The following NSF variants were observed in gnomAD, a reference collection of about 807,000 sequenced individuals.
NSF encodes the protein N-ethylmaleimide sensitive factor, vesicle fusing ATPase.
A neutral mutation model predicts 50.3 loss-of-function variants in NSF; 14 were observed. The ratio of observed to expected loss-of-function variants is 0.28; its 90% confidence interval spans 0.18 to 0.44. NSF has a LOEUF of 0.44. NSF is among the 20% of genes least tolerant of loss of function. NSF has a pLI of 1.00. For missense variants in NSF, 218 were observed against 504.3 expected, an observed-to-expected ratio of 0.43 and a Z score of 5.44; for synonymous variants, 109 against 175.7, an observed-to-expected ratio of 0.62 and a Z score of 3.00.
chr17:46,750,000 A>G lies in NSF; in HGVS notation c.2043+93A>G, dbSNP rs375320352. 280 of 1,388,254 alleles carry G rather than the reference A, an allele frequency of 2.0e-4. 1 individual carries two copies. Among genetic ancestry groups the G allele is most frequent in the Non-Finnish European group, 2.5e-4 (251 of 1,005,362 alleles). The allele number at this position is 1,388,254 out of a possible 1,614,324, so 86.0% of individuals were successfully genotyped here. A position where few individuals can be genotyped will look rare whatever the true frequency, so the allele number is the denominator to read the frequency against. On this transcript the variant is annotated intron_variant, in intron 18 of 20. Coordinates refer to ENST00000398238, the MANE Select transcript of NSF (RefSeq NM_006178.4). ...ACATTATACCTGGTGTTTGGTTTTT[A>G]TGCTAATCTGGAACATGGGACCCGG...
chr17:46,622,399 A>T (rs1432197929), intron 1 of NSF, among the ~76,000 whole-genome samples: 1 of 150,578 alleles, frequency 6.6e-6, no homozygotes. Context: ...CGGAGCTTGC[A>T]GTAAGCCGAT....
chr17:46,739,328 G>A (rs543048162), intron 17 of NSF, among the ~76,000 whole-genome samples: 97 of 125,092 alleles, frequency 7.8e-4, no homozygotes, highest in South Asian at 1.4e-3. Context: ...CCGAGATCGC[G>A]CCACTGCACT....
Position 46,719,503 on chromosome 17 carries a change from T to C in NSF, c.1761+5517T>C, listed in dbSNP as rs1397455571. 3.3e-5 allele frequency among the ~76,000 whole-genome samples: 5 copies of C among 152,208 alleles called. No homozygotes were observed. Among genetic ancestry groups the C allele is most frequent in the African/African-American group, 9.6e-5 (4 of 41,454 alleles). The stretch of plus-strand genomic sequence containing the variant: ...TCTTAATTTGCTTATTAGTGAATCC[T>C]TTCTCCATGGATAAACTCCTCAAAA... On this transcript the variant is annotated intron_variant, in intron 15 of 20. Coordinates refer to ENST00000398238, the MANE Select transcript of NSF (RefSeq NM_006178.4). The surrounding 1 kb of genome is among the most constrained non-coding windows in gnomAD (Gnocchi z 4.3).
At chr17:46,739,863 T>A (rs2146318566) in intron 17 of NSF, among the ~76,000 whole-genome samples, 1 of 152,128 alleles carries the variant, frequency 6.6e-6, no homozygotes, top group African/African-American at 2.4e-5. Flanking sequence ...CACACCCAGA[T>A]AATTTTTTGT....
At position 46,610,007 on chromosome 17, in the gene NSF, C is replaced by CTCTTTCTTTCTTTCTTTCTT. The variant is rs200774023; in HGVS notation, c.13-14233_13-14214dup. ...AGGCTAATTTATTTTCTTTCTTTCTCTCTTTCTTTCTTTCTTTCTTTCTCT... is the reference window on the plus strand; with the variant it reads ...AGGCTAATTTATTTTCTTTCTTTCTCTCTTTCTTTCTTTCTTTCTTTCTTTCTTTCTTTCTTTCTTTCTCT... On this transcript the variant is annotated intron_variant, in intron 1 of 20. Transcript: ENST00000398238. Among the ~76,000 whole-genome samples the CTCTTTCTTTCTTTCTTTCTT allele has an allele frequency of 8.5e-5, 10 of 117,034 alleles. 1 individual carries two copies. The highest frequency in any genetic ancestry group is 3.2e-4 in the African/African-American group (10 of 31,716). 76.8% of individuals were successfully genotyped at this position (117,034 alleles called of 152,430 possible). A position where few individuals can be genotyped will look rare whatever the true frequency, so the allele number is the denominator to read the frequency against.
At chr17:46,742,259 G>T (rs1379872051) in intron 17 of NSF, among the ~76,000 whole-genome samples, 1 of 152,188 alleles carries the variant, frequency 6.6e-6, no homozygotes, top group Non-Finnish European at 1.5e-5. Context: ...GCTCAGAGGT[G>T]TAGACTCTGA....
intron 17 of NSF, among the ~76,000 whole-genome samples, chr17:46,746,069 G>A (rs1311751675): frequency 6.6e-6 from 1 of 152,066 alleles, no homozygotes; most frequent in Non-Finnish European, 1.5e-5. Context: ...ATCCTTGTGC[G>A]TAATACCTCC....
At chr17:46,716,475 T>G (rs2058770840) in intron 15 of NSF, among the ~76,000 whole-genome samples, 1 of 152,128 alleles carries the variant, frequency 6.6e-6, no homozygotes, top group African/African-American at 2.4e-5. Flanking sequence ...GCCAGGATGG[T>G]CTTGATCTCC....
chr17:46,717,041 T>TCCC (rs1305409304), intron 15 of NSF, among the ~76,000 whole-genome samples: 3 of 152,172 alleles, frequency 2.0e-5, no homozygotes, highest in Non-Finnish European at 4.4e-5. Context: ...TTATCTATAC[T>TCCC]CCCAAGTTCA....
intron 16 of NSF, among the ~76,000 whole-genome samples, chr17:46,727,762 G>A (rs2058905865): frequency 1.3e-5 from 2 of 152,154 alleles, no homozygotes; most frequent in Admixed American, 1.3e-4. Flanking sequence ...ATTGAGGTGT[G>A]TGGTCATAGC....
intron 8 of NSF, among the ~76,000 whole-genome samples, chr17:46,657,325 G>T (rs564347938): frequency 6.7e-6 from 1 of 149,968 alleles, no homozygotes; most frequent in African/African-American, 2.4e-5. Flanking sequence ...CAATCACTAA[G>T]CAGGTACTCT....
intron 15 of NSF, chr17:46,722,037 T>C (rs2058836140): frequency 2.5e-6 from 4 of 1,609,450 alleles, no homozygotes; most frequent in Non-Finnish European, 3.4e-6. Flanking sequence ...GCCGTAATAT[T>C]CAGCTCCCTG....
At chr17:46,740,771 C>T (rs1401829699) in intron 17 of NSF, among the ~76,000 whole-genome samples, 1 of 151,590 alleles carries the variant, frequency 6.6e-6, no homozygotes, top group Non-Finnish European at 1.5e-5. Context: ...AAGTGATTCT[C>T]CTACCTCAGC....
Position 46,728,773 on chromosome 17 carries a change from CAAAAAAAAAAAACAA to C in NSF, c.1829-78_1829-64del, listed in dbSNP as rs2146296470. 6.9e-6 allele frequency: 5 copies of C among 721,590 alleles called. No individual in the cohort carries two copies. In the South Asian group the frequency reaches 1.1e-4, roughly 16 times the overall value. The allele number at this position is 721,590 out of a possible 1,614,324, so 44.7% of individuals were successfully genotyped here. ...GTAGGGACTGTGTTTACTTTTGATG[CAAAAAAAAAAAACAA>C]AAACTGAATGTTTGGAATATGTACA... On this transcript the variant is annotated intron_variant, in intron 16 of 20. Coordinates refer to ENST00000398238, the MANE Select transcript of NSF (RefSeq NM_006178.4).
intron 15 of NSF, 46 bp downstream of exon 15, chr17:46,714,032 G>GT: frequency 6.4e-7 from 1 of 1,563,906 alleles, no homozygotes. Flanking sequence ...TCTTAAATGT[G>GT]TGTGTGTGTG....
intron 4 of NSF, among the ~76,000 whole-genome samples, chr17:46,631,146 T>C (rs1440134766): frequency 7.1e-6 from 1 of 140,948 alleles, no homozygotes; most frequent in Non-Finnish European, 1.5e-5. Context: ...TGACAACTTG[T>C]AATTTTTTCT....
chr17:46,729,664 A>C (rs1320400651), intron 17 of NSF, among the ~76,000 whole-genome samples: 1 of 152,196 alleles, frequency 6.6e-6, no homozygotes, highest in Non-Finnish European at 1.5e-5. Context: ...GGCAGGTACA[A>C]AGCAGTTAAG....
At position 46,739,762 on chromosome 17, in the gene NSF, G is replaced by A. The variant is rs548082005; in HGVS notation, c.1909-10011G>A. ...TTTTTTTCCAGGAGTGCAGTGGCGC[G>A]ATCTCAACTCACTGCAACCTCTGCC... On this transcript the variant is annotated intron_variant, in intron 17 of 20. Transcript: ENST00000398238. Among the ~76,000 whole-genome samples, 8 of 151,198 alleles carry A rather than the reference G, an allele frequency of 5.3e-5. No homozygotes were observed. The South Asian group carries it at 8.3e-4, about 16-fold the overall frequency.
At chr17:46,746,225 T>C (rs1380598950) in intron 17 of NSF, among the ~76,000 whole-genome samples, 1 of 152,250 alleles carries the variant, frequency 6.6e-6, no homozygotes, top group Non-Finnish European at 1.5e-5. Flanking sequence ...TAATAATGAT[T>C]ACCCTTTAAT....
Sources: allele counts gnomAD v4.1 joint callset (sites outside exome capture counted in the v4.1 genomes callset), GRCh38; gene constraint gnomAD v4.1.1; non-coding constraint Gnocchi (gnomAD v3.1); transcripts MANE v1.5; gene names NCBI Gene and HGNC (gene_info 2026-07-23, HGNC 2026-07-21).